The following ALDH1A2 variants were observed in gnomAD, a reference collection of about 807,000 sequenced individuals.
The protein encoded by ALDH1A2 is retinal dehydrogenase 2.
ALDH1A2 carries 27 observed loss-of-function variants against 60.3 expected under a neutral mutation model. That is an observed-to-expected ratio of 0.45 (90% CI 0.33 to 0.62). ALDH1A2 has a LOEUF of 0.62. Among genes scored for constraint, ALDH1A2 ranks in the 20% least tolerant of loss-of-function variants. The pLI, the probability that ALDH1A2 is intolerant of heterozygous loss-of-function variation, is 0.02. For missense variants in ALDH1A2, 581 were observed against 643.8 expected (o/e 0.90, Z 1.06); for synonymous variants, 289 against 232.4 (o/e 1.24, Z -2.21).
At chr15:58,008,672 A>G (rs749466740) in intron 4 of ALDH1A2, among the ~76,000 whole-genome samples, 6 of 152,134 alleles carry the variant, frequency 3.9e-5, no homozygotes, top group African/African-American at 1.2e-4. Flanking sequence ...CACCTGAAAC[A>G]TATTTGTTGT....
chr15:58,027,128 G>A (rs1368954951), intron 1 of ALDH1A2, among the ~76,000 whole-genome samples: 1 of 152,190 alleles, frequency 6.6e-6, no homozygotes, highest in Non-Finnish European at 1.5e-5. Flanking sequence ...CCCAGTAGGG[G>A]CCTAAAGACA....
chr15:58,062,494 A>G (rs1897066019), intron 1 of ALDH1A2, among the ~76,000 whole-genome samples: 1 of 152,240 alleles, frequency 6.6e-6, no homozygotes, highest in Admixed American at 6.5e-5. Context: ...TTCCTATAAT[A>G]TCAGTTATAC....
At chr15:57,980,495 T>G in intron 7 of ALDH1A2, 1 of 279,388 alleles carries the variant, frequency 3.6e-6, no homozygotes, top group South Asian at 4.9e-5. Flanking sequence ...CAGGCTCTTC[T>G]GGAAGTCAGG....
intron 4 of ALDH1A2, among the ~76,000 whole-genome samples, chr15:58,003,197 A>C (rs1231160063): frequency 6.6e-6 from 1 of 151,812 alleles, no homozygotes. Flanking sequence ...AACCTCTTAA[A>C]AAGGTTCCTT....
intron 1 of ALDH1A2, among the ~76,000 whole-genome samples, chr15:58,014,812 C>A (rs1385318399): frequency 6.6e-6 from 1 of 152,146 alleles, no homozygotes; most frequent in Non-Finnish European, 1.5e-5. Context: ...ATGTGTAAAT[C>A]CAAGTTAGAT....
chr15:58,029,994 A>G (rs946245859), intron 1 of ALDH1A2, among the ~76,000 whole-genome samples: 2 of 152,242 alleles, frequency 1.3e-5, no homozygotes, highest in Middle Eastern at 3.2e-3. Context: ...TTCTGAAACT[A>G]TTCCAATCAA....
At chr15:58,015,336 T>A (rs1290111472) in intron 1 of ALDH1A2, among the ~76,000 whole-genome samples, 3 of 152,194 alleles carry the variant, frequency 2.0e-5, no homozygotes, top group Non-Finnish European at 4.4e-5. Context: ...AAAGCTTTCC[T>A]TTTACATGTT....
At chr15:57,956,434 C>G (rs1291479872) in intron 12 of ALDH1A2, among the ~76,000 whole-genome samples, 1 of 152,212 alleles carries the variant, frequency 6.6e-6, no homozygotes, top group African/African-American at 2.4e-5. Flanking sequence ...ATGATTCATT[C>G]AGGTTCCTTT....
intron 7 of ALDH1A2, among the ~76,000 whole-genome samples, chr15:57,981,900 T>C (rs1894528112): frequency 6.6e-6 from 1 of 152,224 alleles, no homozygotes; most frequent in South Asian, 2.1e-4. Context: ...GGAAATTCAT[T>C]TCTTACAGTT....
intron 1 of ALDH1A2, among the ~76,000 whole-genome samples, chr15:58,019,256 T>C (rs529358505): frequency 6.6e-6 from 1 of 152,310 alleles, no homozygotes; most frequent in Admixed American, 6.5e-5. Flanking sequence ...GGATTCAACA[T>C]CTTCACAAGA....
intron 7 of ALDH1A2, among the ~76,000 whole-genome samples, chr15:57,975,489 G>A (rs558106065): frequency 7.2e-5 from 11 of 152,166 alleles, no homozygotes; most frequent in Non-Finnish European, 1.6e-4. Flanking sequence ...TACCAGTTGA[G>A]CACCCCGATC....
intron 4 of ALDH1A2, among the ~76,000 whole-genome samples, chr15:58,005,310 T>C (rs1895411958): frequency 6.6e-6 from 1 of 152,034 alleles, no homozygotes; most frequent in African/African-American, 2.4e-5. Flanking sequence ...CATGCTTCCA[T>C]ATCTAAATAG....
At chr15:58,054,271 G>A (rs371226544) in intron 1 of ALDH1A2, among the ~76,000 whole-genome samples, 2 of 152,168 alleles carry the variant, frequency 1.3e-5, no homozygotes, top group African/African-American at 4.8e-5. Flanking sequence ...CATAAGTTTG[G>A]TAAGTAAAAA....
chr15:58,059,458 T>C (rs1215024260), intron 1 of ALDH1A2, among the ~76,000 whole-genome samples: 1 of 152,164 alleles, frequency 6.6e-6, no homozygotes, highest in Non-Finnish European at 1.5e-5. Flanking sequence ...GTTTCTTCGT[T>C]TTTAAATTAT....
intron 1 of ALDH1A2, among the ~76,000 whole-genome samples, chr15:58,048,686 T>C (rs1021106380): frequency 2.0e-5 from 3 of 152,138 alleles, no homozygotes; most frequent in Admixed American, 6.6e-5. Flanking sequence ...TTCCATGGGT[T>C]ACAGCAGGAT....
chr15:57,975,307 T>C (rs1894210912), intron 7 of ALDH1A2, among the ~76,000 whole-genome samples: 1 of 152,264 alleles, frequency 6.6e-6, no homozygotes, highest in South Asian at 2.1e-4. Flanking sequence ...TGTTCATCAG[T>C]GGCTGAATGG....
At position 57,955,025 on chromosome 15, in the gene ALDH1A2, T is replaced by C. The variant is rs1893470588; in HGVS notation, c.*172A>G. 1.3e-6 allele frequency: 1 copy of C among 741,254 alleles called. No homozygotes were observed. Among genetic ancestry groups the C allele is most frequent in the South Asian group, 1.5e-5 (1 of 66,416 alleles). 45.9% of individuals were successfully genotyped at this position (741,254 alleles called of 1,614,324 possible). A position where few individuals can be genotyped will look rare whatever the true frequency, so the allele number is the denominator to read the frequency against. On this transcript the variant is annotated 3_prime_UTR_variant, in exon 13 of 13. Transcript: ENST00000249750. ...CCCCTTACAGAGTGCCAAGAAACTG[T>C]ACCCAGCTGGTTTGCTTTAGTTGTG...
intron 7 of ALDH1A2, among the ~76,000 whole-genome samples, chr15:57,974,781 C>G (rs1404830094): frequency 2.0e-5 from 3 of 152,140 alleles, no homozygotes; most frequent in African/African-American, 7.2e-5. Context: ...AACTGGACAT[C>G]AAAATTAAAA....
intron 7 of ALDH1A2, chr15:57,980,401 C>T (rs1282482940): frequency 2.4e-5 from 9 of 368,938 alleles, no homozygotes; most frequent in African/African-American, 1.3e-4. Context: ...CCAGCTGGTG[C>T]CACTTCTGCA....
Sources: gnomAD v4.1 joint callset for allele counts (sites outside exome capture counted in the v4.1 genomes callset) on GRCh38, gnomAD v4.1.1 for gene constraint, MANE v1.5 for transcripts, NCBI Gene and HGNC (gene_info 2026-07-23, HGNC 2026-07-21) for gene names.